SCAPER: variants seen among roughly 807,000 people sequenced by gnomAD.
SCAPER encodes the protein S phase cyclin A-associated protein in the endoplasmic reticulum.
A neutral mutation model predicts 182.2 loss-of-function variants in SCAPER; 98 were observed. The observed-to-expected ratio is 0.54, with a 90% CI of 0.46 to 0.64. The LOEUF (loss-of-function observed/expected upper bound fraction) is 0.64. Ranked by LOEUF, SCAPER falls within the 30% of genes least tolerant of loss-of-function variation. SCAPER has a pLI of 0.00. For missense variants in SCAPER, 1,432 were observed against 1,690.0 expected, an observed-to-expected ratio of 0.85 and a Z score of 2.68; for synonymous variants, 605 against 564.6, an observed-to-expected ratio of 1.07 and a Z score of -1.01.
Position 76,489,487 on chromosome 15 carries a change from T to C in SCAPER, c.2954+15372A>G, listed in dbSNP as rs144253213. On this transcript the variant is annotated intron_variant, in intron 24 of 31. Coordinates refer to ENST00000563290, the MANE Select transcript of SCAPER (RefSeq NM_020843.4). ...ACCCTTGTTTTCTATTCCTGTAGTTTTGCCTTCTTTAGAATGTCATATACA... is the reference window on the plus strand; with the variant it reads ...ACCCTTGTTTTCTATTCCTGTAGTTCTGCCTTCTTTAGAATGTCATATACA... Among the ~76,000 whole-genome samples, 50 of 151,974 alleles carry C rather than the reference T, an allele frequency of 3.3e-4. 1 individual carries two copies. The highest frequency in any genetic ancestry group is 8.8e-5 in the Non-Finnish European group (6 of 67,974).
intron 1 of SCAPER, among the ~76,000 whole-genome samples, chr15:76,898,426 T>G (rs1406543031): frequency 6.6e-6 from 1 of 151,980 alleles, no homozygotes; most frequent in Non-Finnish European, 1.5e-5. Flanking sequence ...AAAACACAAG[T>G]CCACACAAAA....
intron 5 of SCAPER, among the ~76,000 whole-genome samples, chr15:76,810,229 C>A (rs951131570): frequency 6.6e-6 from 1 of 151,748 alleles, no homozygotes; most frequent in African/African-American, 2.4e-5. Context: ...CAGTGGTGGG[C>A]ATATCAATTA....
At chr15:76,775,355 G>C (rs1488890344) in intron 8 of SCAPER, among the ~76,000 whole-genome samples, 1 of 152,120 alleles carries the variant, frequency 6.6e-6, no homozygotes, top group Non-Finnish European at 1.5e-5. Context: ...CCTAAGGCCA[G>C]TGAGTAATAA....
intron 8 of SCAPER, among the ~76,000 whole-genome samples, chr15:76,776,286 C>G (rs1310573710): frequency 1.3e-5 from 2 of 152,150 alleles, no homozygotes; most frequent in Non-Finnish European, 2.9e-5. Context: ...AACAGAAAAT[C>G]TCTTTAGCAA....
At chr15:76,738,990 C>T (rs1236525041) in intron 15 of SCAPER, among the ~76,000 whole-genome samples, 1 of 152,110 alleles carries the variant, frequency 6.6e-6, no homozygotes, top group African/African-American at 2.4e-5. Flanking sequence ...CAGAATAAAA[C>T]AATGCATGCC....
intron 27 of SCAPER, among the ~76,000 whole-genome samples, chr15:76,402,802 C>T (rs2044555718): frequency 1.3e-5 from 2 of 151,798 alleles, no homozygotes; most frequent in African/African-American, 4.8e-5. Context: ...AATATAAAGT[C>T]AAGCAGAAGG....
intron 3 of SCAPER, chr15:76,861,783 T>C (rs1432963608): frequency 6.6e-6 from 1 of 152,186 alleles, no homozygotes; most frequent in Non-Finnish European, 1.5e-5. Flanking sequence ...ATTTTCATAC[T>C]GCTTATAAAG....
At position 76,777,130 on chromosome 15, in the gene SCAPER, A is replaced by C. The variant is rs1429478811; in HGVS notation, c.773-2013T>G. On this transcript the variant is annotated intron_variant, in intron 8 of 31. Transcript: ENST00000563290. The stretch of plus-strand genomic sequence containing the variant: ...ACAAAAAAATATTGAAAGCAGTCAG[A>C]AGACATATTACCTATAGAGAAACAC... Among the ~76,000 whole-genome samples, 5 of 152,296 alleles carry C rather than the reference A, an allele frequency of 3.3e-5. No homozygotes were observed. In the East Asian group the frequency reaches 9.6e-4, roughly 29 times the overall value.
intron 25 of SCAPER, among the ~76,000 whole-genome samples, chr15:76,457,370 T>C (rs528887415): frequency 2.6e-4 from 39 of 152,328 alleles, no homozygotes; most frequent in African/African-American, 9.4e-4. Flanking sequence ...GCTGGCTTTA[T>C]ACATTTAATT....
chr15:76,699,890 G>C (rs1232763978), intron 20 of SCAPER, among the ~76,000 whole-genome samples: 1 of 152,186 alleles, frequency 6.6e-6, no homozygotes, highest in Non-Finnish European at 1.5e-5. Context: ...AATGGCAACG[G>C]AGTCCATACC....
At position 76,522,614 on chromosome 15, in the gene SCAPER, A is replaced by G. The variant is rs188526875; in HGVS notation, c.2839-17640T>C. Among the ~76,000 whole-genome samples, 52 of 152,266 alleles carry G rather than the reference A, an allele frequency of 3.4e-4. 1 individual carries two copies. The South Asian group carries it at 5.0e-3, about 15-fold the overall frequency. ...TTTTTACACTAAGACAGAGTAGTAAATAAGTATTTCAACCATAAAGTGTAA... is the reference window on the plus strand; with the variant it reads ...TTTTTACACTAAGACAGAGTAGTAAGTAAGTATTTCAACCATAAAGTGTAA... On this transcript the variant is annotated intron_variant, in intron 23 of 31. Transcript: ENST00000563290.
intron 23 of SCAPER, among the ~76,000 whole-genome samples, chr15:76,573,745 TCATTAAAGAAAACTGC>T (rs2047618245): frequency 6.6e-6 from 1 of 152,160 alleles, no homozygotes; most frequent in Non-Finnish European, 1.5e-5. Context: ...TGATTCTAAG[TCATTAAAGAAAACTGC>T]CAAATCTGTT....
At chr15:76,900,342 TAA>T (rs56677318) in intron 1 of SCAPER, among the ~76,000 whole-genome samples, 18 of 59,068 alleles carry the variant, frequency 3.0e-4, no homozygotes, top group African/African-American at 8.8e-4. Flanking sequence ...CAATAAATAC[TAA>T]AAAAAAAAAA....
At chr15:76,475,652 C>T (rs899643806) in intron 24 of SCAPER, among the ~76,000 whole-genome samples, 5 of 152,122 alleles carry the variant, frequency 3.3e-5, no homozygotes, top group African/African-American at 1.2e-4. Flanking sequence ...ATTCTTTCTT[C>T]AAATAAAATC....
intron 2 of SCAPER, among the ~76,000 whole-genome samples, chr15:76,865,232 CAGAAAAACTG>C (rs1471754865): frequency 6.6e-6 from 1 of 152,008 alleles, no homozygotes; most frequent in Non-Finnish European, 1.5e-5. Flanking sequence ...AAGCATATCA[CAGAAAAACTG>C]ATGATAAACT....
chr15:76,584,674 T>C (rs1218470345), intron 22 of SCAPER, among the ~76,000 whole-genome samples: 1 of 152,154 alleles, frequency 6.6e-6, no homozygotes, highest in Admixed American at 6.6e-5. Context: ...TCTTCAAATC[T>C]TATGCTTTTG....
intron 25 of SCAPER, among the ~76,000 whole-genome samples, chr15:76,454,801 C>T (rs2048609290): frequency 6.6e-6 from 1 of 151,418 alleles, no homozygotes; most frequent in Non-Finnish European, 1.5e-5. Flanking sequence ...TGATCTTGTT[C>T]CTGGAACGTT....
chr15:76,389,910 G>T (rs2043566423), intron 27 of SCAPER, among the ~76,000 whole-genome samples: 1 of 151,808 alleles, frequency 6.6e-6, no homozygotes, highest in Admixed American at 6.6e-5. Flanking sequence ...ATACCTGGGA[G>T]AATTTCCAGT....
At chr15:76,841,118 G>A (rs1344596523) in intron 5 of SCAPER, among the ~76,000 whole-genome samples, 1 of 152,174 alleles carries the variant, frequency 6.6e-6, no homozygotes, top group Non-Finnish European at 1.5e-5. Context: ...AATGTTGTGT[G>A]TGTATCCAAC....
Sources: allele counts gnomAD v4.1 joint callset (sites outside exome capture counted in the v4.1 genomes callset), GRCh38; gene constraint gnomAD v4.1.1; transcripts MANE v1.5; gene names NCBI Gene and HGNC (gene_info 2026-07-23, HGNC 2026-07-21).